Variants in NCAM2 observed in about 807,000 individuals in gnomAD.
NCAM2 encodes the protein N-CAM-2.
NCAM2 carries 30 observed loss-of-function variants against 98.1 expected under a neutral mutation model. That is an observed-to-expected ratio of 0.31 (90% CI 0.23 to 0.41). NCAM2 has a LOEUF of 0.41. Ranked by LOEUF, NCAM2 falls within the 10% of genes least tolerant of loss-of-function variation. The probability of loss-of-function intolerance (pLI) is 1.00; values close to 1 mark genes in which losing one functional copy is unlikely to be tolerated. For missense variants in NCAM2, 867 were observed against 1,005.8 expected (o/e 0.86, Z 1.87); for synonymous variants, 368 against 342.4 (o/e 1.07, Z -0.83).
At chr21:21,087,460 T>C (rs1161503986) in intron 1 of NCAM2, among the ~76,000 whole-genome samples, 1 of 152,148 alleles carries the variant, frequency 6.6e-6, no homozygotes, top group African/African-American at 2.4e-5. Flanking sequence ...TTTATCCTCC[T>C]GGGTTCTGAT....
chr21:21,154,117 A>G (rs1030003906), intron 1 of NCAM2, among the ~76,000 whole-genome samples: 3 of 151,868 alleles, frequency 2.0e-5, no homozygotes, highest in Non-Finnish European at 4.4e-5. Context: ...CACTTAAATT[A>G]TGGGTTTCCA....
intron 1 of NCAM2, among the ~76,000 whole-genome samples, chr21:21,256,497 G>A (rs2071678351): frequency 6.6e-6 from 1 of 152,162 alleles, no homozygotes; most frequent in African/African-American, 2.4e-5. Context: ...ATGATGGACT[G>A]TTCATATGTT....
intron 1 of NCAM2, among the ~76,000 whole-genome samples, chr21:21,094,164 A>C (rs2146459357): frequency 6.6e-6 from 1 of 152,064 alleles, no homozygotes; most frequent in Non-Finnish European, 1.5e-5. Flanking sequence ...CAGGCTGTAC[A>C]TGCTGAATAT....
chr21:21,534,515 A>T (rs1989879651), intron 16 of NCAM2, 22 bp from the exon 17 acceptor site: 2 of 1,540,666 alleles, frequency 1.3e-6, no homozygotes, highest in Middle Eastern at 1.8e-4. Flanking sequence ...CACAGGTGAG[A>T]TGTTTCTCTT....
intron 8 of NCAM2, 107 bp downstream of exon 8, chr21:21,338,641 T>C: frequency 8.6e-7 from 1 of 1,165,870 alleles, no homozygotes. Context: ...ACTTGTAGGA[T>C]CAAATAAATG....
In NCAM2 at chr21:21,081,379, A is replaced by G. The variant is rs545041014; in HGVS notation, c.55+82761A>G. ...TCACCAAGTATTATTTTAGAGAGAC[A>G]GTTAACAACCACCTGACCATCACCT... On this transcript the variant is annotated intron_variant, in intron 1 of 17. Transcript: ENST00000400546. Among the ~76,000 whole-genome samples, 10 of 152,266 alleles carry G rather than the reference A, an allele frequency of 6.6e-5. No homozygotes were observed. The East Asian group carries it at 1.9e-3, about 29-fold the overall frequency.
intron 1 of NCAM2, among the ~76,000 whole-genome samples, chr21:21,067,162 A>G (rs1459882377): frequency 2.0e-5 from 3 of 151,134 alleles, no homozygotes; most frequent in Non-Finnish European, 3.0e-5. Context: ...ATATAGCAAA[A>G]TGTATTACAC....
At chr21:21,412,199 GC>G (rs1287147915) in intron 10 of NCAM2, among the ~76,000 whole-genome samples, 2 of 152,162 alleles carry the variant, frequency 1.3e-5, no homozygotes, top group South Asian at 2.1e-4. Context: ...CTTGTACTTG[GC>G]CGCCTTCTTG....
intron 12 of NCAM2, among the ~76,000 whole-genome samples, chr21:21,438,485 A>T (rs1027141316): frequency 1.6e-4 from 24 of 152,300 alleles, no homozygotes; most frequent in Admixed American, 5.2e-4. Context: ...CCAACCAATG[A>T]TGTGACATGA....
chr21:21,175,999 T>C (rs917168216), intron 1 of NCAM2, among the ~76,000 whole-genome samples: 1 of 152,198 alleles, frequency 6.6e-6, no homozygotes, highest in African/African-American at 2.4e-5. Flanking sequence ...ACTTTCACTT[T>C]CAGAAACGTC....
At chr21:21,203,411 C>T (rs1033575863) in intron 1 of NCAM2, among the ~76,000 whole-genome samples, 2 of 152,070 alleles carry the variant, frequency 1.3e-5, no homozygotes, top group Admixed American at 1.3e-4. Context: ...AAGTGTAAAC[C>T]ACCCAGACTT....
rs57318222 is a variant in NCAM2, at chr21:21,473,373, A to AATATATATATAT, written c.1897-3909_1897-3898dup. On this transcript the variant is annotated intron_variant, in intron 14 of 17. Transcript: ENST00000400546. ...ATATAATATACAAAATATATGTATA[A>AATATATATATAT]ATATATATATATATATATATTATAT... 5.0e-3 allele frequency among the ~76,000 whole-genome samples: 709 copies of AATATATATATAT among 140,476 alleles called. 2 individuals carry two copies. The highest frequency in any genetic ancestry group is 9.3e-3 in the African/African-American group (356 of 38,224). 92.2% of individuals were successfully genotyped at this position (140,476 alleles called of 152,430 possible).
chr21:21,396,378 G>A (rs1413913926), intron 9 of NCAM2, among the ~76,000 whole-genome samples: 1 of 152,214 alleles, frequency 6.6e-6, no homozygotes, highest in African/African-American at 2.4e-5. Context: ...CATACATGGT[G>A]AAAGTGGAAC....
chr21:21,234,038 A>T (rs988499242), intron 1 of NCAM2, among the ~76,000 whole-genome samples: 27 of 151,842 alleles, frequency 1.8e-4, no homozygotes, highest in African/African-American at 5.8e-4. Flanking sequence ...ACAAGTGCTC[A>T]ATTGTCATAT....
At chr21:21,239,310 A>G (rs1019740175) in intron 1 of NCAM2, 2 of 152,160 alleles carry the variant, frequency 1.3e-5, no homozygotes, top group Admixed American at 6.6e-5. Flanking sequence ...GGCAATGCTC[A>G]TCCAAGTAGA....
chr21:21,057,319 C>T (rs1033104660), intron 1 of NCAM2, among the ~76,000 whole-genome samples: 35 of 152,092 alleles, frequency 2.3e-4, no homozygotes, highest in Admixed American at 1.4e-3. Context: ...GTAACAAAGA[C>T]GTGCAATTAC....
At chr21:21,171,293 A>T (rs2146845998) in intron 1 of NCAM2, among the ~76,000 whole-genome samples, 1 of 152,372 alleles carries the variant, frequency 6.6e-6, no homozygotes, top group African/African-American at 2.4e-5. Context: ...TATACAATTT[A>T]GAAAAAAAAT....
intron 1 of NCAM2, among the ~76,000 whole-genome samples, chr21:20,999,982 G>C (rs1487307131): frequency 6.6e-6 from 1 of 152,180 alleles, no homozygotes; most frequent in Non-Finnish European, 1.5e-5. Context: ...TATTCCTATA[G>C]TTTGTAAAGT....
intron 16 of NCAM2, among the ~76,000 whole-genome samples, chr21:21,524,145 G>T (rs1359435246): frequency 6.6e-6 from 1 of 152,014 alleles, no homozygotes; most frequent in African/African-American, 2.4e-5. Context: ...AGCAGGAATG[G>T]AAATATTGAT....
Sources: allele counts gnomAD v4.1 joint callset (sites outside exome capture counted in the v4.1 genomes callset), GRCh38; gene constraint gnomAD v4.1.1; transcripts MANE v1.5; gene names NCBI Gene and HGNC (gene_info 2026-07-23, HGNC 2026-07-21).